TMEM63C: variants seen among roughly 807,000 people sequenced by gnomAD.
TMEM63C encodes transmembrane protein 63C.
In TMEM63C, 32 loss-of-function variants were observed where a neutral mutation model predicts 99.2. That is an observed-to-expected ratio of 0.32 (90% CI 0.24 to 0.43). The LOEUF (loss-of-function observed/expected upper bound fraction) is 0.43, where lower values mean the gene tolerates loss of function less well. Among genes scored for constraint, TMEM63C ranks in the 20% least tolerant of loss-of-function variants. The probability of loss-of-function intolerance (pLI) is 1.00; values close to 1 mark genes in which losing one functional copy is unlikely to be tolerated. For missense variants in TMEM63C, 826 were observed against 1,053.0 expected, an observed-to-expected ratio of 0.78 and a Z score of 2.98; for synonymous variants, 376 against 397.9, an observed-to-expected ratio of 0.94 and a Z score of 0.66.
chr14:77,239,944 C>G (rs1281957812), intron 12 of TMEM63C, among the ~76,000 whole-genome samples: 1 of 152,208 alleles, frequency 6.6e-6, no homozygotes, highest in Non-Finnish European at 1.5e-5. Flanking sequence ...GGGAAGCTTG[C>G]TGCTGTCTCC....
Position 77,221,819 on chromosome 14 carries a change from T to G in TMEM63C, c.312+1732T>G, listed in dbSNP as rs546383962. ...GACTTTTCTCAGTTCACATCTTGCC[T>G]GCGTTCTCTGAAACGTCTGACCCTG... On this transcript the variant is annotated intron_variant, in intron 5 of 23. Transcript: ENST00000298351. 2.6e-5 allele frequency among the ~76,000 whole-genome samples: 4 copies of G among 151,414 alleles called. 1 individual carries two copies. Among genetic ancestry groups the G allele is most frequent in the African/African-American group, 9.7e-5 (4 of 41,202 alleles).
intron 14 of TMEM63C, 88 bp from the exon 15 acceptor site, chr14:77,242,815 T>C (rs1314133991): frequency 3.8e-5 from 57 of 1,503,852 alleles, no homozygotes; most frequent in Non-Finnish European, 5.1e-5. Context: ...CAGGGCAGGC[T>C]GGGTCCACAG....
rs1888983307 is a variant in TMEM63C at position 77,233,586 on chromosome 14, G to A, written c.542+86G>A. The A allele has an allele frequency of 8.5e-6, 12 of 1,418,320 alleles. 1 individual carries two copies. Among genetic ancestry groups the A allele is most frequent in the Middle Eastern group, 3.5e-4 (2 of 5,710 alleles). 87.9% of individuals were successfully genotyped at this position (1,418,320 alleles called of 1,614,324 possible). ...TCTAACATGTCAGTTTGCAACATGG[G>A]CAGCGTTTTGCTGATAAGAAAGGCC... On this transcript the variant is annotated intron_variant, in intron 8 of 23. Coordinates refer to ENST00000298351, the MANE Select transcript of TMEM63C (RefSeq NM_020431.4).
intron 1 of TMEM63C, among the ~76,000 whole-genome samples, chr14:77,198,919 A>G (rs976818517): frequency 2.0e-5 from 3 of 152,218 alleles, no homozygotes; most frequent in Non-Finnish European, 4.4e-5. Context: ...CCACTTGAAG[A>G]ATGAATGAAT....
At chr14:77,229,150 T>C (rs1483119584) in intron 6 of TMEM63C, among the ~76,000 whole-genome samples, 5 of 152,074 alleles carry the variant, frequency 3.3e-5, no homozygotes, top group African/African-American at 4.8e-5. Context: ...ACACCTGTAA[T>C]CCCAGCACTT....
At chr14:77,210,611 A>G (rs1373402398) in intron 1 of TMEM63C, among the ~76,000 whole-genome samples, 2 of 152,056 alleles carry the variant, frequency 1.3e-5, no homozygotes, top group South Asian at 4.1e-4. Context: ...TAGCCATGAG[A>G]GTAAACCTCA....
At chr14:77,249,482 A>G in intron 21 of TMEM63C, 24 bp downstream of exon 21, 1 of 1,611,578 alleles carries the variant, frequency 6.2e-7, no homozygotes, top group Non-Finnish European at 8.5e-7. Context: ...CAGCCTGGAG[A>G]CCCCACCTCC....
At position 77,239,594 on chromosome 14, in the gene TMEM63C, C is replaced by T. The variant is rs750377337; in HGVS notation, c.807-9C>T. 9.5e-5 allele frequency: 154 copies of T among 1,613,342 alleles called. No homozygotes were observed. Among genetic ancestry groups the T allele is most frequent in the Non-Finnish European group, 1.2e-4 (142 of 1,179,736 alleles). On this transcript the variant is annotated splice_polypyrimidine_tract_variant and intron_variant, in intron 11 of 23. Transcript: ENST00000298351. ...TGCAGGTCCTTCTCCTGTTGCCCACCGCTGGCAGGCGCCATGCCATGCGGG... is the reference window on the plus strand; with the variant it reads ...TGCAGGTCCTTCTCCTGTTGCCCACTGCTGGCAGGCGCCATGCCATGCGGG...
intron 6 of TMEM63C, among the ~76,000 whole-genome samples, chr14:77,230,529 C>G (rs392877): frequency 0.17 from 26,252 of 152,140 alleles, 2,467 homozygotes; most frequent in Non-Finnish European, 0.21. Context: ...GAACCTGGCC[C>G]CGCAGCAGGA....
chr14:77,211,966 C>T (rs369479112), intron 1 of TMEM63C, among the ~76,000 whole-genome samples: 2 of 152,202 alleles, frequency 1.3e-5, no homozygotes, highest in East Asian at 1.9e-4. Context: ...GAAACAACCA[C>T]CACCTACCAG....
Position 77,246,131 on chromosome 14 carries a change from T to G in TMEM63C, c.1535+105T>G, listed in dbSNP as rs984367223. 2.2e-5 allele frequency: 20 copies of G among 911,538 alleles called. No individual in the cohort carries two copies. In the Admixed American group the frequency reaches 3.5e-4, roughly 16 times the overall value. The allele number at this position is 911,538 out of a possible 1,614,324, so 56.5% of individuals were successfully genotyped here. On this transcript the variant is annotated intron_variant, in intron 17 of 23. Coordinates refer to ENST00000298351, the MANE Select transcript of TMEM63C (RefSeq NM_020431.4). ...CTGCCTGTGATTGCTGCAAACCCAC[T>G]CCTCAAAGACAGCCCCATGCCTGTC... is the stretch of plus-strand genomic sequence containing the variant.
intron 6 of TMEM63C, among the ~76,000 whole-genome samples, chr14:77,230,382 A>G (rs907386639): frequency 5.3e-5 from 8 of 152,180 alleles, no homozygotes; most frequent in African/African-American, 1.9e-4. Flanking sequence ...TATGTTTGAA[A>G]CCACACAGTA....
At chr14:77,186,801 CTGTG>C (rs1240827650) in intron 1 of TMEM63C, among the ~76,000 whole-genome samples, 1 of 146,372 alleles carries the variant, frequency 6.8e-6, no homozygotes, top group African/African-American at 2.6e-5. Context: ...GTGTGTGTGT[CTGTG>C]TGTGTGTGTG....
chr14:77,191,956 G>T (rs1383285181), intron 1 of TMEM63C, among the ~76,000 whole-genome samples: 2 of 152,132 alleles, frequency 1.3e-5, no homozygotes, highest in Non-Finnish European at 2.9e-5. Flanking sequence ...CTTCAGTTTT[G>T]TCAATATTTC....
chr14:77,222,441 C>A (rs1294157455), intron 5 of TMEM63C, among the ~76,000 whole-genome samples: 3 of 152,228 alleles, frequency 2.0e-5, no homozygotes, highest in Admixed American at 1.3e-4. Flanking sequence ...TTTAGGTCCA[C>A]GCTCTAGGGC....
intron 1 of TMEM63C, among the ~76,000 whole-genome samples, chr14:77,186,509 G>C (rs914086578): frequency 4.6e-5 from 7 of 152,086 alleles, no homozygotes; most frequent in Non-Finnish European, 2.9e-5. Flanking sequence ...TTCAAGACCA[G>C]CCTGGGCAAC....
chr14:77,188,415 C>T (rs1470556154), intron 1 of TMEM63C, among the ~76,000 whole-genome samples: 1 of 152,170 alleles, frequency 6.6e-6, no homozygotes, highest in Non-Finnish European at 1.5e-5. Context: ...CAATACAAAG[C>T]TCCATGAGAC....
At chr14:77,250,505 T>A (rs1889341930) in intron 21 of TMEM63C, among the ~76,000 whole-genome samples, 2 of 151,592 alleles carry the variant, frequency 1.3e-5, no homozygotes, top group Non-Finnish European at 2.9e-5. Flanking sequence ...AGTGGCCTGA[T>A]CTCGACCCAC....
At chr14:77,198,986 G>C (rs1024071573) in intron 1 of TMEM63C, among the ~76,000 whole-genome samples, 2 of 152,198 alleles carry the variant, frequency 1.3e-5, no homozygotes, top group African/African-American at 4.8e-5. Context: ...ACATGACCCT[G>C]CTCTCAGGGG....
Sources: allele counts gnomAD v4.1 joint callset (sites outside exome capture counted in the v4.1 genomes callset), GRCh38; gene constraint gnomAD v4.1.1; transcripts MANE v1.5; gene names NCBI Gene and HGNC (gene_info 2026-07-23, HGNC 2026-07-21).